COBL: variants seen among roughly 807,000 people sequenced by gnomAD.
COBL encodes the protein protein cordon-bleu.
A neutral mutation model predicts 98.8 loss-of-function variants in COBL; 51 were observed. The observed-to-expected ratio is 0.52, with a 90% CI of 0.41 to 0.65. COBL has a LOEUF of 0.65. Ranked by LOEUF, COBL falls within the 30% of genes least tolerant of loss-of-function variation. COBL has a pLI of 0.00. For synonymous variants in COBL, 634 were observed against 651.7 expected, an observed-to-expected ratio of 0.97 and a Z score of 0.41; for missense variants, 1,617 against 1,617.5, an observed-to-expected ratio of 1.00 and a Z score of 0.01.
chr7:51,074,923 C>A (rs1320631628), intron 7 of COBL, among the ~76,000 whole-genome samples: 1 of 152,086 alleles, frequency 6.6e-6, no homozygotes, highest in Admixed American at 6.6e-5. Context: ...TTTGTAAATT[C>A]TGTATTACCA....
At chr7:51,130,782 A>G (rs1292747854) in intron 6 of COBL, among the ~76,000 whole-genome samples, 2 of 152,226 alleles carry the variant, frequency 1.3e-5, no homozygotes, top group African/African-American at 4.8e-5. Context: ...GCATAGTTTT[A>G]TCACTTCCTG....
chr7:51,247,639 G>A (rs1188574056), intron 1 of COBL, among the ~76,000 whole-genome samples: 3 of 152,042 alleles, frequency 2.0e-5, no homozygotes, highest in African/African-American at 7.3e-5. Flanking sequence ...CATGGCAGGG[G>A]GTGGGGAGTC....
intron 7 of COBL, among the ~76,000 whole-genome samples, chr7:51,066,709 T>C (rs571095855): frequency 6.6e-6 from 1 of 152,242 alleles, no homozygotes; most frequent in African/African-American, 2.4e-5. Flanking sequence ...TGGCAGCGAA[T>C]CTATGAAGAC....
At chr7:51,143,296 A>C (rs1249447048) in intron 5 of COBL, among the ~76,000 whole-genome samples, 1 of 152,174 alleles carries the variant, frequency 6.6e-6, no homozygotes, top group Non-Finnish European at 1.5e-5. Flanking sequence ...GGGAAAAATG[A>C]GGTTCCAACT....
chr7:51,161,704 G>T lies in COBL; in HGVS notation c.783+22398C>A, dbSNP rs1238332474. Among the ~76,000 whole-genome samples, 6 of 152,178 alleles carry T rather than the reference G, an allele frequency of 3.9e-5. No individual in the cohort carries two copies. In the South Asian group the frequency reaches 1.2e-3, roughly 32 times the overall value. Reference sequence around the variant, plus strand: ...ACTTTATGGTATCAAGAAATGCAGAGATATCTGATGAAGCATGTAGTAATA... The same window carrying T: ...ACTTTATGGTATCAAGAAATGCAGATATATCTGATGAAGCATGTAGTAATA... On this transcript the variant is annotated intron_variant, in intron 5 of 12. Transcript: ENST00000265136.
intron 6 of COBL, among the ~76,000 whole-genome samples, chr7:51,102,967 G>A (rs1213494700): frequency 6.6e-6 from 1 of 152,212 alleles, no homozygotes; most frequent in Non-Finnish European, 1.5e-5. Context: ...GGATGAATAA[G>A]CTCTAGAGAT....
At chr7:51,246,281 T>C (rs960259968) in intron 1 of COBL, among the ~76,000 whole-genome samples, 1 of 152,184 alleles carries the variant, frequency 6.6e-6, no homozygotes, top group African/African-American at 2.4e-5. Context: ...GCAGCAAGTC[T>C]ATCCAAGCAG....
At chr7:51,041,310 A>C (rs551574523) in intron 8 of COBL, among the ~76,000 whole-genome samples, 1 of 152,278 alleles carries the variant, frequency 6.6e-6, no homozygotes, top group East Asian at 1.9e-4. Flanking sequence ...AGGTACAAAG[A>C]AATATAAAGT....
chr7:51,099,567 G>A (rs1211358085), intron 6 of COBL, among the ~76,000 whole-genome samples: 3 of 152,280 alleles, frequency 2.0e-5, no homozygotes, highest in South Asian at 2.1e-4. Context: ...AAGTAGAATG[G>A]TGGTTGCCAG....
intron 1 of COBL, among the ~76,000 whole-genome samples, chr7:51,301,831 T>G (rs1801995718): frequency 6.6e-6 from 1 of 152,236 alleles, no homozygotes; most frequent in Admixed American, 6.5e-5. Context: ...GGAACCCCTG[T>G]GCATTCCTCC....
At position 51,085,182 on chromosome 7, in the gene COBL, G is replaced by A. The variant is rs760253787; in HGVS notation, c.1080C>T (p.Asn360=). The stretch of plus-strand genomic sequence containing the variant: ...CTCACTCACCCATCGTGCTCTTCCT[G>A]TTCTCCTCCTTATCCTCAGTGCGGT... The part of the protein sequence containing the change: ...IPNRTEDKEE[N]RKSTMVSLPL... The change falls in exon 7 of 13, where the codon AAC becomes AAT. Residue 360 remains asparagine, a synonymous_variant. Coordinates refer to ENST00000265136, the MANE Select transcript of COBL (RefSeq NM_015198.5). The A allele has an allele frequency of 3.0e-5, 48 of 1,613,818 alleles. No individual in the cohort carries two copies. The highest frequency in any genetic ancestry group is 3.9e-5 in the Non-Finnish European group (46 of 1,180,024).
At chr7:51,215,240 A>T (rs1402140970) in intron 2 of COBL, among the ~76,000 whole-genome samples, 1 of 152,232 alleles carries the variant, frequency 6.6e-6, no homozygotes, top group Non-Finnish European at 1.5e-5. Context: ...TTGTGAAGAT[A>T]AGCAGTTCAT....
At chr7:51,133,332 T>C (rs1287022143) in intron 6 of COBL, among the ~76,000 whole-genome samples, 2 of 152,228 alleles carry the variant, frequency 1.3e-5, no homozygotes, top group African/African-American at 4.8e-5. Flanking sequence ...ATTATTATTC[T>C]ACAGCACAGA....
chr7:51,018,901 A>T (rs1786580443), intron 12 of COBL, among the ~76,000 whole-genome samples: 7 of 58,126 alleles, frequency 1.2e-4, no homozygotes, highest in African/African-American at 4.7e-4. Context: ...CAAAAAAAAA[A>T]AAAAATATAT....
At chr7:51,200,623 G>T (rs1196709436) in intron 2 of COBL, among the ~76,000 whole-genome samples, 1 of 152,040 alleles carries the variant, frequency 6.6e-6, no homozygotes. Flanking sequence ...ATACACACAC[G>T]ATGTACAGTA....
chr7:51,247,332 T>C (rs1045841920), intron 1 of COBL, among the ~76,000 whole-genome samples: 3 of 152,218 alleles, frequency 2.0e-5, no homozygotes, highest in Admixed American at 1.3e-4. Context: ...AGTGGAATCA[T>C]GTTCTCTGTT....
chr7:51,106,380 G>A (rs146540073), intron 6 of COBL, among the ~76,000 whole-genome samples: 1 of 152,264 alleles, frequency 6.6e-6, no homozygotes, highest in Non-Finnish European at 1.5e-5. Flanking sequence ...CTGTGTGTAA[G>A]GGGCATGTTT....
At chr7:51,297,061 T>G (rs1223545995) in intron 1 of COBL, among the ~76,000 whole-genome samples, 1 of 152,188 alleles carries the variant, frequency 6.6e-6, no homozygotes, top group Non-Finnish European at 1.5e-5. Context: ...GTCCCCTCTC[T>G]GCTGGCCCAG....
At chr7:51,100,828 G>A (rs970040897) in intron 6 of COBL, among the ~76,000 whole-genome samples, 4 of 152,088 alleles carry the variant, frequency 2.6e-5, no homozygotes, top group Non-Finnish European at 4.4e-5. Flanking sequence ...ACTTGAACCC[G>A]GGCAGCAGAG....
Sources: gnomAD v4.1 joint callset for allele counts (sites outside exome capture counted in the v4.1 genomes callset) on GRCh38, gnomAD v4.1.1 for gene constraint, MANE v1.5 for transcripts, NCBI Gene and HGNC (gene_info 2026-07-23, HGNC 2026-07-21) for gene names.